The following SDCCAG8 variants were observed in gnomAD, a reference collection of about 807,000 sequenced individuals.
SDCCAG8 encodes serologically defined colon cancer antigen 8.
Under a neutral mutation model 101.8 loss-of-function variants are expected in SDCCAG8, and 74 were observed. The observed-to-expected ratio is 0.73, with a 90% CI of 0.60 to 0.88. The LOEUF is 0.88. Among genes scored for constraint, SDCCAG8 ranks in the 40% least tolerant of loss-of-function variants. The pLI, the probability that SDCCAG8 is intolerant of heterozygous loss-of-function variation, is 0.00. For missense variants in SDCCAG8, 787 were observed against 822.6 expected, an observed-to-expected ratio of 0.96 and a Z score of 0.53; for synonymous variants, 281 against 292.9, an observed-to-expected ratio of 0.96 and a Z score of 0.41.
chr1:243,283,235 T>C (rs1451483928), intron 4 of SDCCAG8, among the ~76,000 whole-genome samples: 1 of 152,108 alleles, frequency 6.6e-6, no homozygotes. Context: ...AGTATCAATA[T>C]GATATTCCTC....
intron 16 of SDCCAG8, among the ~76,000 whole-genome samples, chr1:243,432,010 G>C (rs2081809855): frequency 6.6e-6 from 1 of 152,096 alleles, no homozygotes; most frequent in Non-Finnish European, 1.5e-5. Flanking sequence ...CTAGATTCAG[G>C]ATGATCTTTA....
chr1:243,356,535 C>T (rs1320950656), intron 12 of SDCCAG8, among the ~76,000 whole-genome samples: 2 of 151,412 alleles, frequency 1.3e-5, no homozygotes, highest in African/African-American at 2.4e-5. Flanking sequence ...TATACTGTTT[C>T]ACCTTAAACT....
Position 243,422,912 on chromosome 1 carries a change from G to C in SDCCAG8, c.1854-3515G>C, listed in dbSNP as rs138613149. On this transcript the variant is annotated intron_variant, in intron 15 of 17. Transcript: ENST00000366541. Reference sequence around the variant, plus strand: ...GCCAGAAATTGCCTGAATTTTCTATGAAAATGGATTAGAGTCAATTATCCT... The same window carrying C: ...GCCAGAAATTGCCTGAATTTTCTATCAAAATGGATTAGAGTCAATTATCCT... Among the ~76,000 whole-genome samples the C allele has an allele frequency of 5.9e-3, 900 of 152,236 alleles. 6 individuals are homozygous for C. Among genetic ancestry groups the C allele is most frequent in the Admixed American group, 0.012 (181 of 15,294 alleles).
chr1:243,483,126 T>C (rs1664078847), intron 16 of SDCCAG8, among the ~76,000 whole-genome samples: 1 of 151,882 alleles, frequency 6.6e-6, no homozygotes, highest in African/African-American at 2.4e-5. Flanking sequence ...CTGGAAGAGG[T>C]TTCCAGGCCC....
At chr1:243,302,143 G>T (rs2071577012) in intron 6 of SDCCAG8, among the ~76,000 whole-genome samples, 1 of 152,140 alleles carries the variant, frequency 6.6e-6, no homozygotes, top group Admixed American at 6.5e-5. Context: ...AGCTACTCGG[G>T]AGGCTGAGGC....
Position 243,330,689 on chromosome 1 carries a change from A to G in SDCCAG8, c.1218A>G (p.Ser406=), listed in dbSNP as rs1368915977. ...CGAAAGAAAGGGAGTACATGGGATC[A>G]AAGGTACTTAAGGACTCTGCTGTTA... ...EITKEREYMG[S]KMLILSQNIA... Residue 406 remains serine (S), a synonymous_variant, in exon 10 of 18, where the codon TCA becomes TCG. Coordinates refer to ENST00000366541, the MANE Select transcript of SDCCAG8 (RefSeq NM_006642.5). 6.2e-7 allele frequency: 1 copy of G among 1,614,010 alleles called. No individual in the cohort carries two copies. The highest frequency in any genetic ancestry group is 1.3e-5 in the African/African-American group (1 of 74,928).
intron 12 of SDCCAG8, among the ~76,000 whole-genome samples, chr1:243,359,339 C>T (rs1054826941): frequency 7.9e-5 from 12 of 152,268 alleles, no homozygotes; most frequent in Admixed American, 7.2e-4. Context: ...ATAGTCATGG[C>T]GGCCTCACAG....
At chr1:243,464,914 G>T (rs58447942) in intron 16 of SDCCAG8, among the ~76,000 whole-genome samples, 206 of 152,278 alleles carry the variant, frequency 1.4e-3, no homozygotes, top group African/African-American at 4.7e-3. Flanking sequence ...TCTGTGTGTT[G>T]TTTTTCCATT....
Position 243,418,078 on chromosome 1 carries a change from T to C in SDCCAG8, c.1853+2T>C. On this transcript the variant is annotated splice_donor_variant, in intron 15 of 17. Transcript: ENST00000366541. LOFTEE classifies it high-confidence loss of function. ...GGAACAAATCTCTCAAAAAACCAGG[T>C]AGGTGATGTTATAGAATACTTTCAA... The C allele has an allele frequency of 2.5e-6, 4 of 1,589,714 alleles. No homozygotes were observed. The highest frequency in any genetic ancestry group is 3.5e-6 in the Non-Finnish European group (4 of 1,158,344).
intron 7 of SDCCAG8, 151 bp downstream of exon 7, chr1:243,304,928 G>A (rs2071932833): frequency 8.1e-6 from 5 of 614,212 alleles, no homozygotes; most frequent in Non-Finnish European, 1.5e-5. Context: ...GATTATTAAA[G>A]GATGAAAGGC....
intron 1 of SDCCAG8, among the ~76,000 whole-genome samples, chr1:243,262,770 T>C (rs1043698121): frequency 6.6e-6 from 1 of 152,210 alleles, no homozygotes; most frequent in African/African-American, 2.4e-5. Flanking sequence ...ATTTTCACCA[T>C]TTTACTTGAT....
rs937346849 is a variant in SDCCAG8, at chr1:243,474,487, C to T, written c.1986-14527C>T. The stretch of plus-strand genomic sequence containing the variant: ...GCCTAGTATCCAGAGTCGAAGCAGC[C>T]GCCGGGAGGTCTGGGTGGGCAGGGA... On this transcript the variant is annotated intron_variant, in intron 16 of 17. Coordinates refer to ENST00000366541, the MANE Select transcript of SDCCAG8 (RefSeq NM_006642.5). This position sits in a 1 kb window ranked among gnomAD's most constrained non-coding sequence, Gnocchi z 4.7. Among the ~76,000 whole-genome samples the T allele has an allele frequency of 3.3e-5, 5 of 152,160 alleles. No homozygotes were observed. The highest frequency in any genetic ancestry group is 5.9e-5 in the Non-Finnish European group (4 of 68,014).
At chr1:243,319,255 A>G (rs978756704) in intron 9 of SDCCAG8, among the ~76,000 whole-genome samples, 10 of 152,202 alleles carry the variant, frequency 6.6e-5, no homozygotes, top group Non-Finnish European at 1.5e-4. Context: ...TTTGGAGAGG[A>G]CAGGTATCCA....
At chr1:243,350,047 C>T (rs2075996974) in intron 12 of SDCCAG8, among the ~76,000 whole-genome samples, 2 of 152,118 alleles carry the variant, frequency 1.3e-5, no homozygotes, top group South Asian at 4.1e-4. Context: ...AGCAGTGATT[C>T]AGCACTTGGA....
chr1:243,271,117 T>C lies in SDCCAG8; in HGVS notation c.306+54T>C, dbSNP rs373492398. On this transcript the variant is annotated intron_variant, in intron 3 of 17. Coordinates refer to ENST00000366541, the MANE Select transcript of SDCCAG8 (RefSeq NM_006642.5). ...AGCATTCCTGTGTTTTACTGTATTG[T>C]GTTATTTTGTAGTACATGTTGCAGA... The C allele has an allele frequency of 2.3e-6, 3 of 1,299,908 alleles. No homozygotes were observed. In the African/African-American group the frequency reaches 4.4e-5, roughly 19 times the overall value. The allele number at this position is 1,299,908 out of a possible 1,614,324, so 80.5% of individuals were successfully genotyped here.
At chr1:243,469,884 A>C (rs544029375) in intron 16 of SDCCAG8, among the ~76,000 whole-genome samples, 5 of 147,232 alleles carry the variant, frequency 3.4e-5, no homozygotes, top group Middle Eastern at 3.5e-3. Flanking sequence ...TCATCTATTA[A>C]ACTGGAATAA....
At chr1:243,344,854 C>T (rs933367550) in intron 12 of SDCCAG8, among the ~76,000 whole-genome samples, 2 of 152,100 alleles carry the variant, frequency 1.3e-5, no homozygotes, top group South Asian at 2.1e-4. Context: ...ATAAAAGCTG[C>T]GTACTTTAAT....
chr1:243,370,822 G>C (rs553184987), intron 12 of SDCCAG8, among the ~76,000 whole-genome samples: 2 of 152,184 alleles, frequency 1.3e-5, no homozygotes, highest in South Asian at 4.1e-4. Flanking sequence ...ATTCCTTAAA[G>C]AATATTTGCT....
chr1:243,498,324 G>A (rs1204117418), intron 17 of SDCCAG8, among the ~76,000 whole-genome samples: 1 of 152,234 alleles, frequency 6.6e-6, no homozygotes, highest in Non-Finnish European at 1.5e-5. Context: ...AGGGCATAGT[G>A]CATGGGGTGG....
Sources: allele counts gnomAD v4.1 joint callset (sites outside exome capture counted in the v4.1 genomes callset), GRCh38; gene constraint gnomAD v4.1.1; non-coding constraint Gnocchi (gnomAD v3.1); transcripts MANE v1.5; gene names NCBI Gene and HGNC (gene_info 2026-07-23, HGNC 2026-07-21).